THEMIS: variants seen among roughly 807,000 people sequenced by gnomAD.
THEMIS encodes the protein protein THEMIS.
Under a neutral mutation model 52.6 loss-of-function variants are expected in THEMIS, and 37 were observed. The ratio of observed to expected loss-of-function variants is 0.70; its 90% CI spans 0.54 to 0.93. The LOEUF (loss-of-function observed/expected upper bound fraction) is 0.93, where lower values mean the gene tolerates loss of function less well. Ranked by LOEUF, THEMIS falls within the 40% of genes least tolerant of loss-of-function variation. The pLI, the probability that THEMIS is intolerant of heterozygous loss-of-function variation, is 0.00. For missense variants in THEMIS, 808 were observed against 763.1 expected (o/e 1.06, Z -0.69); for synonymous variants, 292 against 272.7 (o/e 1.07, Z -0.70).
the THEMIS span, among the ~76,000 whole-genome samples, chr6:127,698,499 A>G: frequency 6.6e-6 from 1 of 152,106 alleles, no homozygotes; most frequent in Non-Finnish European, 1.5e-5. Context: ...AAATTGTAGT[A>G]TATTACACAA....
At chr6:127,761,827 T>G (rs1776032174) in intron 4 of THEMIS, among the ~76,000 whole-genome samples, 1 of 152,076 alleles carries the variant, frequency 6.6e-6, no homozygotes, top group Non-Finnish European at 1.5e-5. Context: ...GCACAGCCAT[T>G]ATGGAAAACA....
At chr6:127,774,257 G>C (rs1776481791) in intron 4 of THEMIS, among the ~76,000 whole-genome samples, 1 of 152,190 alleles carries the variant, frequency 6.6e-6, no homozygotes, top group South Asian at 2.1e-4. Flanking sequence ...CCAGGCTGGA[G>C]TGCAGTGGCG....
intron 1 of THEMIS, among the ~76,000 whole-genome samples, chr6:127,896,200 T>C (rs570106058): frequency 1.6e-4 from 24 of 151,574 alleles, no homozygotes; most frequent in African/African-American, 5.8e-4. Context: ...AAAATTGCTC[T>C]CAGTGGTCAT....
At chr6:127,819,989 G>A (rs1373198465) in intron 3 of THEMIS, among the ~76,000 whole-genome samples, 1 of 152,092 alleles carries the variant, frequency 6.6e-6, no homozygotes, top group Non-Finnish European at 1.5e-5. Flanking sequence ...TAAGTGAAAT[G>A]AATGACAGTA....
rs1773916896 is a variant in THEMIS, at chr6:127,709,935, T to C, written c.*50A>G. 2.6e-6 allele frequency: 4 copies of C among 1,546,314 alleles called. No homozygotes were observed. The highest frequency in any genetic ancestry group is 1.4e-5 in the African/African-American group (1 of 71,570). The stretch of plus-strand genomic sequence containing the variant: ...TTCAGCTAGAAGGCTAGCTTCTTTT[T>C]TCACTGCAACATTTATGTTTGCTGC... On this transcript the variant is annotated 3_prime_UTR_variant, in exon 6 of 6. Coordinates refer to ENST00000368248, the MANE Select transcript of THEMIS (RefSeq NM_001010923.3).
intron 3 of THEMIS, among the ~76,000 whole-genome samples, chr6:127,822,379 C>G (rs6918558): frequency 0.53 from 80,750 of 151,694 alleles, 21,877 homozygotes; most frequent in East Asian, 0.62. Context: ...TATTTTCTTA[C>G]CTGGTTCTCC....
At chr6:127,736,937 A>G (rs1001189936) in intron 4 of THEMIS, among the ~76,000 whole-genome samples, 2 of 152,164 alleles carry the variant, frequency 1.3e-5, no homozygotes, top group African/African-American at 4.8e-5. Context: ...ATAGGATAAA[A>G]TTTCTAAAAC....
chr6:127,727,039 T>C (rs914727564), intron 4 of THEMIS, among the ~76,000 whole-genome samples: 10 of 152,204 alleles, frequency 6.6e-5, no homozygotes, highest in Non-Finnish European at 1.3e-4. Context: ...TATTGGACAA[T>C]CATGCAAAAT....
At chr6:127,820,685 C>T (rs937445174) in intron 3 of THEMIS, among the ~76,000 whole-genome samples, 2 of 152,008 alleles carry the variant, frequency 1.3e-5, no homozygotes, top group Admixed American at 1.3e-4. Flanking sequence ...TGCCATGAAG[C>T]CCATAGACAT....
intron 3 of THEMIS, among the ~76,000 whole-genome samples, chr6:127,824,166 A>C (rs545104720): frequency 6.6e-6 from 1 of 152,210 alleles, no homozygotes; most frequent in Admixed American, 6.5e-5. Context: ...CACTTCTTCC[A>C]CCTCTCCCTC....
chr6:127,814,318 G>A (rs1356910449), intron 3 of THEMIS, among the ~76,000 whole-genome samples: 1 of 152,100 alleles, frequency 6.6e-6, no homozygotes, highest in Non-Finnish European at 1.5e-5. Context: ...GTGTGAATAT[G>A]TATGTAAATG....
chr6:127,802,324 G>A (rs1050327318), intron 4 of THEMIS, among the ~76,000 whole-genome samples: 3 of 152,232 alleles, frequency 2.0e-5, no homozygotes, highest in East Asian at 3.9e-4. Flanking sequence ...CTGTAATTGC[G>A]CTTTTCTGTA....
chr6:127,750,512 G>A (rs1775603562), intron 4 of THEMIS, among the ~76,000 whole-genome samples: 1 of 151,762 alleles, frequency 6.6e-6, no homozygotes, highest in South Asian at 2.1e-4. Context: ...AAGCCAGGAA[G>A]TCAATGCATT....
chr6:127,701,342 C>T, the THEMIS span, among the ~76,000 whole-genome samples: 1 of 152,162 alleles, frequency 6.6e-6, no homozygotes, highest in Admixed American at 6.5e-5. Flanking sequence ...TTTCAAAAAA[C>T]ATCCAAGCTG....
At chr6:127,828,148 T>A (rs1170992348) in intron 3 of THEMIS, among the ~76,000 whole-genome samples, 1 of 152,230 alleles carries the variant, frequency 6.6e-6, no homozygotes, top group Non-Finnish European at 1.5e-5. Context: ...ATTTATTAAA[T>A]GTTGTAACCA....
At chr6:127,724,239 T>C (rs1207137958) in intron 4 of THEMIS, among the ~76,000 whole-genome samples, 1 of 152,154 alleles carries the variant, frequency 6.6e-6, no homozygotes, top group East Asian at 1.9e-4. Flanking sequence ...ACAGAAATCA[T>C]GCAGAACTGT....
chr6:127,822,466 C>T (rs1307194978), intron 3 of THEMIS, among the ~76,000 whole-genome samples: 2 of 152,022 alleles, frequency 1.3e-5, no homozygotes, highest in African/African-American at 4.8e-5. Context: ...AAAAAATAAT[C>T]ATAATCCTCA....
chr6:127,877,673 T>C (rs943594605), intron 1 of THEMIS, among the ~76,000 whole-genome samples: 1 of 152,096 alleles, frequency 6.6e-6, no homozygotes, highest in Non-Finnish European at 1.5e-5. Flanking sequence ...ACAATAACAA[T>C]AGTAGCATCA....
chr6:127,824,850 A>G (rs1583319630), intron 3 of THEMIS, among the ~76,000 whole-genome samples: 2 of 152,200 alleles, frequency 1.3e-5, no homozygotes, highest in African/African-American at 4.8e-5. Flanking sequence ...GCGTGAACCC[A>G]GGAGGCGGAG....
Sources: gnomAD v4.1 joint callset for allele counts (sites outside exome capture counted in the v4.1 genomes callset) on GRCh38, gnomAD v4.1.1 for gene constraint, MANE v1.5 for transcripts, NCBI Gene and HGNC (gene_info 2026-07-23, HGNC 2026-07-21) for gene names.